The following IL22RA2 variants were observed in gnomAD, a reference collection of about 807,000 sequenced individuals.
IL22RA2 encodes the protein interleukin-22 receptor subunit alpha-2.
A neutral mutation model predicts 30.7 loss-of-function variants in IL22RA2; 39 were observed. That is an observed-to-expected ratio of 1.27 (90% confidence interval 0.98 to 1.66). The LOEUF is 1.66. Ranked by LOEUF, IL22RA2 falls within the 40% of genes most tolerant of loss-of-function variation. The pLI, the probability that IL22RA2 is intolerant of heterozygous loss-of-function variation, is 0.00. For missense variants in IL22RA2, 315 were observed against 312.7 expected (o/e 1.01, Z -0.05); for synonymous variants, 103 against 105.0 (o/e 0.98, Z 0.11).
rs1162316787 is a variant in IL22RA2, at chr6:137,144,771, T to C, written c.*853A>G. ...GAGGAAGGCGCCACAAGCAAGACACTCTTGGCCAGAAGGATTGAGTAATGA... is the reference window on the plus strand; with the variant it reads ...GAGGAAGGCGCCACAAGCAAGACACCCTTGGCCAGAAGGATTGAGTAATGA... On this transcript the variant is annotated 3_prime_UTR_variant, in exon 7 of 7. Transcript: ENST00000296980. The C allele has an allele frequency of 1.3e-5, 2 of 152,208 alleles. No individual in the cohort carries two copies. Among genetic ancestry groups the C allele is most frequent in the Non-Finnish European group, 2.9e-5 (2 of 68,038 alleles). 9.4% of individuals were successfully genotyped at this position (152,208 alleles called of 1,614,324 possible).
chr6:137,168,052 C>T (rs1485541641), intron 1 of IL22RA2, among the ~76,000 whole-genome samples: 1 of 152,178 alleles, frequency 6.6e-6, no homozygotes, highest in Admixed American at 6.5e-5. Context: ...GGTGCCCATG[C>T]ATAGTATAAG....
In IL22RA2 at chr6:137,154,967, G is replaced by C. The variant is rs137920861; in HGVS notation, c.446C>G (p.Thr149Arg). 1.2e-6 allele frequency: 2 copies of C among 1,614,056 alleles called. No individual in the cohort carries two copies. Among genetic ancestry groups the C allele is most frequent in the Middle Eastern group, 1.6e-4 (1 of 6,062 alleles). ...TTCCCACCAGGGAGTGAACCGCGGC[G>C]TCATGCTCCATTCTGAGTAGCTCCC... is the stretch of plus-strand genomic sequence containing the variant. ...SAGSYSEWSMTPRFTPWWETK... is the reference protein window; with the variant it reads ...SAGSYSEWSMRPRFTPWWETK... The change falls in exon 5 of 7, where the codon ACG becomes AGG. Residue 149 changes from threonine to arginine, a missense_variant. Thr to Arg is a moderately conservative substitution (Grantham distance 71, BLOSUM62 -1). Coordinates refer to ENST00000296980, the MANE Select transcript of IL22RA2 (RefSeq NM_052962.3).
At chr6:137,164,342 G>A (rs985063462) in intron 1 of IL22RA2, among the ~76,000 whole-genome samples, 13 of 152,096 alleles carry the variant, frequency 8.5e-5, no homozygotes, top group African/African-American at 2.4e-4. Flanking sequence ...ATCAGTTTCC[G>A]TATATTGACT....
Position 137,145,326 on chromosome 6 carries a change from G to A in IL22RA2, c.*298C>T, listed in dbSNP as rs1019289982. ...TTTTATTTTGCTGTATTAGAAGAAT[G>A]AAGGTTGTTATTAGGGATGTTACAT... On this transcript the variant is annotated 3_prime_UTR_variant, in exon 7 of 7. Transcript: ENST00000296980. 3 of 227,786 alleles carry A rather than the reference G, an allele frequency of 1.3e-5. No individual in the cohort carries two copies. Among genetic ancestry groups the A allele is most frequent in the Admixed American group, 5.9e-5 (1 of 16,972 alleles). The allele number at this position is 227,786 out of a possible 1,614,324, so 14.1% of individuals were successfully genotyped here.
chr6:137,155,646 A>G (rs950087848), intron 4 of IL22RA2, among the ~76,000 whole-genome samples: 6 of 152,136 alleles, frequency 3.9e-5, no homozygotes, highest in African/African-American at 1.4e-4. Flanking sequence ...TCATGACCCA[A>G]TCATCTCCCC....
At chr6:137,145,802 G>A (rs1422241442) in intron 6 of IL22RA2, 29 bp from the exon 7 acceptor site, 10 of 1,612,716 alleles carry the variant, frequency 6.2e-6, no homozygotes, top group Non-Finnish European at 8.5e-6. Context: ...ATAATCAGTT[G>A]GTAAATGGCT....
intron 2 of IL22RA2, 32 bp from the exon 3 acceptor site, chr6:137,158,514 C>T (rs767227640): frequency 2.2e-5 from 35 of 1,611,846 alleles, no homozygotes; most frequent in Admixed American, 5.0e-5. Context: ...GAACATTGAA[C>T]GTTGCTTGGA....
intron 2 of IL22RA2, 27 bp from the exon 3 acceptor site, chr6:137,158,509 T>G: frequency 1.9e-6 from 3 of 1,612,744 alleles, no homozygotes; most frequent in Non-Finnish European, 2.5e-6. Flanking sequence ...AGGAAGAACA[T>G]TGAACGTTGC....
intron 3 of IL22RA2, among the ~76,000 whole-genome samples, chr6:137,157,400 G>A (rs146854420): frequency 6.6e-6 from 1 of 152,234 alleles, no homozygotes; most frequent in Non-Finnish European, 1.5e-5. Context: ...GTAAAGATTT[G>A]TACATTTTAC....
intron 2 of IL22RA2, among the ~76,000 whole-genome samples, chr6:137,160,000 T>A (rs143918450): frequency 6.6e-6 from 1 of 152,246 alleles, no homozygotes; most frequent in Admixed American, 6.5e-5. Context: ...TTTTCACTTT[T>A]ATTGTTTGGA....
intron 1 of IL22RA2, among the ~76,000 whole-genome samples, chr6:137,165,865 G>A (rs1447365915): frequency 6.6e-6 from 1 of 152,214 alleles, no homozygotes; most frequent in East Asian, 1.9e-4. Context: ...TTGTCACTCT[G>A]ATGGAGCAGA....
intron 6 of IL22RA2, 131 bp downstream of exon 6, chr6:137,147,591 T>A: frequency 1.4e-6 from 1 of 734,708 alleles, no homozygotes; most frequent in Non-Finnish European, 2.0e-6. Context: ...TGGCTGAGAG[T>A]AAGAAGAAAT....
chr6:137,157,314 C>T (rs1778425784), intron 3 of IL22RA2, among the ~76,000 whole-genome samples: 1 of 152,046 alleles, frequency 6.6e-6, no homozygotes, highest in African/African-American at 2.4e-5. Context: ...AAAAGAGTAC[C>T]AATCTTTACT....
chr6:137,159,432 T>A (rs918219416), intron 2 of IL22RA2, among the ~76,000 whole-genome samples: 7 of 152,144 alleles, frequency 4.6e-5, no homozygotes, highest in Non-Finnish European at 8.8e-5. Context: ...GCGATTCTCC[T>A]GCCTCAGCCT....
Position 137,156,249 on chromosome 6 carries a change from T to A in IL22RA2, c.293+510A>T, listed in dbSNP as rs538701541. 7.2e-5 allele frequency among the ~76,000 whole-genome samples: 11 copies of A among 152,266 alleles called. No homozygotes were observed. The South Asian group carries it at 2.3e-3, about 32-fold the overall frequency. ...AAATCAGACCAATGTAACAAAGTGA[T>A]GGTGGGGAAAAGAGAAGGAATTGGA... On this transcript the variant is annotated intron_variant, in intron 4 of 6. Coordinates refer to ENST00000296980, the MANE Select transcript of IL22RA2 (RefSeq NM_052962.3).
intron 2 of IL22RA2, among the ~76,000 whole-genome samples, chr6:137,159,360 G>A (rs543423118): frequency 8.6e-5 from 13 of 151,910 alleles, no homozygotes; most frequent in East Asian, 3.9e-4. Context: ...CACTCTTGTC[G>A]CCCTGGCTGG....
Position 137,145,550 on chromosome 6 carries a change from T to A in IL22RA2, c.*74A>T. 7.4e-7 allele frequency: 1 copy of A among 1,354,216 alleles called. No individual in the cohort carries two copies. The highest frequency in any genetic ancestry group is 1.5e-5 in the African/African-American group (1 of 68,124). The allele number at this position is 1,354,216 out of a possible 1,614,324, so 83.9% of individuals were successfully genotyped here. On this transcript the variant is annotated 3_prime_UTR_variant, in exon 7 of 7. Transcript: ENST00000296980. The stretch of plus-strand genomic sequence containing the variant: ...AATACAAAAACAATTTTAAATAAGA[T>A]CCTTCAAACACGAGTCATCCTGTTC...
Position 137,145,693 on chromosome 6 carries a change from A to G in IL22RA2, c.723T>C (p.Ala241=). ...TGTCTAACATGGGCTGATATATTTC[A>G]GCCACTACACAGTAGCTGGAGTGTG... The part of the protein sequence containing the change: ...LTPHSSYCVV[A]EIYQPMLDRR... The change falls in exon 7 of 7, where the codon GCT becomes GCC. Residue 241 remains alanine (A), a synonymous_variant. Transcript: ENST00000296980. 1.9e-6 allele frequency: 3 copies of G among 1,613,648 alleles called. No homozygotes were observed. The highest frequency in any genetic ancestry group is 1.1e-5 in the South Asian group (1 of 90,978).
At chr6:137,166,838 C>T (rs1214993369) in intron 1 of IL22RA2, among the ~76,000 whole-genome samples, 4 of 152,340 alleles carry the variant, frequency 2.6e-5, no homozygotes, top group South Asian at 2.1e-4. Context: ...TGCCATCACT[C>T]GAGCCATTTA....
Sources: gnomAD v4.1 joint callset for allele counts (sites outside exome capture counted in the v4.1 genomes callset) on GRCh38, gnomAD v4.1.1 for gene constraint, MANE v1.5 for transcripts, NCBI Gene and HGNC (gene_info 2026-07-23, HGNC 2026-07-21) for gene names.